Variants in GRIA1 observed in about 807,000 individuals in gnomAD.
The protein encoded by GRIA1 is glutamate ionotropic receptor AMPA type subunit 1, also known as glutamate receptor 1.
GRIA1 carries 31 observed loss-of-function variants against 99.2 expected under a neutral mutation model. The observed-to-expected ratio is 0.31, with a 90% CI of 0.23 to 0.42. GRIA1 has a LOEUF of 0.42. Ranked by LOEUF, GRIA1 falls within the 10% of genes least tolerant of loss-of-function variation. The pLI, the probability that GRIA1 is intolerant of heterozygous loss-of-function variation, is 1.00. For synonymous variants in GRIA1, 438 were observed against 432.4 expected (o/e 1.01, Z -0.16); for missense variants, 782 against 1,157.5 (o/e 0.68, Z 4.71).
intron 2 of GRIA1, chr5:153,573,106 T>A (rs1232306184): frequency 6.6e-6 from 1 of 152,214 alleles, no homozygotes; most frequent in East Asian, 1.9e-4. Context: ...TGGTGGCTAA[T>A]GAGCACATCT....
intron 2 of GRIA1, among the ~76,000 whole-genome samples, chr5:153,612,792 C>A (rs762744370): frequency 7.9e-5 from 12 of 152,308 alleles, no homozygotes; most frequent in Admixed American, 1.3e-4. Context: ...GGATACCCAG[C>A]CACACATACC....
chr5:153,757,668 T>C (rs1203011122), intron 11 of GRIA1, among the ~76,000 whole-genome samples: 1 of 152,162 alleles, frequency 6.6e-6, no homozygotes, highest in Non-Finnish European at 1.5e-5. Flanking sequence ...AAGGAAAAGA[T>C]AAAAACTTGC....
chr5:153,550,241 G>A (rs1760012032), intron 2 of GRIA1, among the ~76,000 whole-genome samples: 1 of 152,026 alleles, frequency 6.6e-6, no homozygotes, highest in Admixed American at 6.6e-5. Context: ...TTCCCACCAG[G>A]GAGTCGAGTC....
rs143743289 is a variant in GRIA1, at chr5:153,609,251, GC to G, written c.221-37674del. 5.5e-3 allele frequency among the ~76,000 whole-genome samples: 841 copies of G among 152,260 alleles called. 6 individuals are homozygous for G. Among genetic ancestry groups the G allele is most frequent in the African/African-American group, 0.019 (776 of 41,550 alleles). Reference sequence around the variant, plus strand: ...GGGCTTCCTCCATCCTTAGATCCCAGCCCTGCTATTCTTTGCTCTTTTGTTA... The same window carrying G: ...GGGCTTCCTCCATCCTTAGATCCCAGCCTGCTATTCTTTGCTCTTTTGTTA... On this transcript the variant is annotated intron_variant, in intron 2 of 15. Coordinates refer to ENST00000285900, the MANE Select transcript of GRIA1 (RefSeq NM_000827.4).
intron 5 of GRIA1, among the ~76,000 whole-genome samples, chr5:153,667,882 G>C (rs1030783502): frequency 1.3e-5 from 2 of 152,202 alleles, no homozygotes; most frequent in East Asian, 3.8e-4. Flanking sequence ...TACTTGAAAT[G>C]CCTTTTCATT....
At chr5:153,588,211 AT>A (rs1763660637) in intron 2 of GRIA1, among the ~76,000 whole-genome samples, 1 of 152,174 alleles carries the variant, frequency 6.6e-6, no homozygotes, top group Non-Finnish European at 1.5e-5. Context: ...CTGTGTCTAG[AT>A]ATTTGAGGGA....
At chr5:153,611,720 AAAAC>A (rs1337329176) in intron 2 of GRIA1, among the ~76,000 whole-genome samples, 3 of 152,236 alleles carry the variant, frequency 2.0e-5, no homozygotes, top group Non-Finnish European at 2.9e-5. Flanking sequence ...TCTCTTTCAA[AAAAC>A]AAACAAACAA....
At chr5:153,772,783 C>T (rs1050632906) in intron 13 of GRIA1, among the ~76,000 whole-genome samples, 2 of 152,142 alleles carry the variant, frequency 1.3e-5, no homozygotes, top group Admixed American at 6.6e-5. Context: ...CCTAGAAAGA[C>T]TCAAAGTAGA....
At chr5:153,545,785 G>T (rs1229968744) in intron 2 of GRIA1, among the ~76,000 whole-genome samples, 1 of 152,154 alleles carries the variant, frequency 6.6e-6, no homozygotes, top group Non-Finnish European at 1.5e-5. Flanking sequence ...TCCTGAGATG[G>T]CATTCTCCTG....
chr5:153,650,398 A>G lies in GRIA1; in HGVS notation c.529A>G (p.Ile177Val). Residue 177 changes from isoleucine to valine, a missense_variant, in exon 4 of 16, where the codon ATT becomes GTT. Around this residue, in one of 5 missense-constraint regions of GRIA1, gnomAD observed 461 missense variants for 521.7 expected, o/e 0.88. Coordinates refer to ENST00000285900, the MANE Select transcript of GRIA1 (RefSeq NM_000827.4). Reference protein sequence around the residue: ...EKNWQVTAVNILTTTEEGYRM... With the variant: ...EKNWQVTAVNVLTTTEEGYRM... ...GAACTGGCAGGTGACAGCAGTCAAC[A>G]TTTTGACAACCACAGAGGAGGGATA... is the stretch of plus-strand genomic sequence containing the variant. 1 of 1,614,004 alleles carries G rather than the reference A, an allele frequency of 6.2e-7. No individual in the cohort carries two copies. Among genetic ancestry groups the G allele is most frequent in the Non-Finnish European group, 8.5e-7 (1 of 1,179,936 alleles).
At chr5:153,657,851 A>G (rs1321646343) in intron 5 of GRIA1, among the ~76,000 whole-genome samples, 1 of 152,184 alleles carries the variant, frequency 6.6e-6, no homozygotes, top group African/African-American at 2.4e-5. Flanking sequence ...AGGTATTTGC[A>G]TTTTAAATGA....
chr5:153,556,111 G>T (rs1272722233), intron 2 of GRIA1, among the ~76,000 whole-genome samples: 1 of 152,160 alleles, frequency 6.6e-6, no homozygotes, highest in Non-Finnish European at 1.5e-5. Context: ...TAATCTATCT[G>T]TTCATGGTGA....
At chr5:153,714,586 A>G (rs895643849) in intron 11 of GRIA1, among the ~76,000 whole-genome samples, 1 of 152,138 alleles carries the variant, frequency 6.6e-6, no homozygotes, top group African/African-American at 2.4e-5. Flanking sequence ...TTTCTTTTAA[A>G]CCCTCACTGG....
chr5:153,770,019 C>G, intron 12 of GRIA1, 149 bp from the exon 13 acceptor site: 1 of 756,284 alleles, frequency 1.3e-6, no homozygotes. Context: ...ATTAGAGCCT[C>G]TTATTTTGCA....
chr5:153,692,433 AAG>A (rs1229620880), intron 8 of GRIA1, among the ~76,000 whole-genome samples: 6 of 152,190 alleles, frequency 3.9e-5, no homozygotes, highest in Non-Finnish European at 8.8e-5. Flanking sequence ...AATAAATCAA[AAG>A]AAGACCATTT....
Position 153,699,031 on chromosome 5 carries a change from C to T in GRIA1, c.1410C>T (p.Asp470=), listed in dbSNP as rs1188692850. The T allele has an allele frequency of 6.2e-7, 1 of 1,613,974 alleles. No homozygotes were observed. The highest frequency in any genetic ancestry group is 2.2e-5 in the East Asian group (1 of 44,846). ...GAAAATACGGAGCCCGAGACCCTGA[C>T]ACGAAGGCCTGGAATGGCATGGTGG... ...SDGKYGARDP[D]TKAWNGMVGE... Residue 470 remains aspartate, a synonymous_variant, in exon 10 of 16, where the codon GAC becomes GAT. Transcript: ENST00000285900.
intron 10 of GRIA1, among the ~76,000 whole-genome samples, chr5:153,704,997 C>T (rs1758789637): frequency 6.6e-6 from 1 of 152,182 alleles, no homozygotes; most frequent in African/African-American, 2.4e-5. Flanking sequence ...TTGACCTTTA[C>T]TCAGGACTAT....
At chr5:153,708,517 T>C (rs1561788409) in intron 11 of GRIA1, among the ~76,000 whole-genome samples, 1 of 152,174 alleles carries the variant, frequency 6.6e-6, no homozygotes, top group Non-Finnish European at 1.5e-5. Context: ...TTTTCATTAA[T>C]AAAATGGAAA....
chr5:153,542,391 T>G lies in GRIA1; in HGVS notation c.220+48326T>G, dbSNP rs191091286. ...GCATGGATCACAATTCTGCCTTCCT[T>G]TTGAAGGAATAACATGCAAGCAGGA... is the stretch of plus-strand genomic sequence containing the variant. On this transcript the variant is annotated intron_variant, in intron 2 of 15. Transcript: ENST00000285900. 2.5e-4 allele frequency among the ~76,000 whole-genome samples: 38 copies of G among 152,274 alleles called. No homozygotes were observed. The East Asian group carries it at 6.4e-3, about 25-fold the overall frequency.
Sources: allele counts gnomAD v4.1 joint callset (sites outside exome capture counted in the v4.1 genomes callset), GRCh38; gene constraint gnomAD v4.1.1; regional missense constraint gnomAD v4.1.1; transcripts MANE v1.5; gene names NCBI Gene and HGNC (gene_info 2026-07-23, HGNC 2026-07-21).